CSNK1G2: variants seen among roughly 807,000 people sequenced by gnomAD.
CSNK1G2 encodes the protein casein kinase 1 gamma 2.
In CSNK1G2, 11 loss-of-function variants were observed where a neutral mutation model predicts 48.0. The ratio of observed to expected loss-of-function variants is 0.23; its 90% CI spans 0.14 to 0.38. The LOEUF is 0.38. Ranked by LOEUF, CSNK1G2 falls within the 10% of genes least tolerant of loss-of-function variation. CSNK1G2 has a pLI of 1.00. For missense variants in CSNK1G2, 446 were observed against 595.5 expected, an observed-to-expected ratio of 0.75 and a Z score of 2.61; for synonymous variants, 337 against 254.1, an observed-to-expected ratio of 1.33 and a Z score of -3.10.
intron 1 of CSNK1G2, among the ~76,000 whole-genome samples, chr19:1,946,180 G>A (rs907903340): frequency 4.6e-5 from 7 of 152,234 alleles, no homozygotes; most frequent in Admixed American, 4.6e-4. Flanking sequence ...CCGCGCAGAG[G>A]AGGGGGCGCA....
At chr19:1,945,821 CAA>C (rs71174398) in intron 1 of CSNK1G2, among the ~76,000 whole-genome samples, 50,510 of 112,918 alleles carry the variant, frequency 0.45, 11,218 homozygotes, top group Non-Finnish European at 0.58. Flanking sequence ...GACTCCGTCT[CAA>C]AAAAAAAAAA....
intron 1 of CSNK1G2, among the ~76,000 whole-genome samples, chr19:1,963,642 G>C (rs2015273192): frequency 6.6e-6 from 1 of 151,654 alleles, no homozygotes; most frequent in Non-Finnish European, 1.5e-5. Flanking sequence ...CGAGTAGCTG[G>C]AGTTACAGGT....
At chr19:1,958,452 C>G (rs117314833) in intron 1 of CSNK1G2, among the ~76,000 whole-genome samples, 14,324 of 130,788 alleles carry the variant, frequency 0.11, 999 homozygotes, top group South Asian at 0.18. Flanking sequence ...CCCTGTCCCC[C>G]CATCTCCCCT....
rs56044871 is a variant in CSNK1G2, at chr19:1,964,666, C to T, written c.-265-4842C>T. On this transcript the variant is annotated intron_variant, in intron 1 of 11. Coordinates refer to ENST00000255641, the MANE Select transcript of CSNK1G2 (RefSeq NM_001319.7). ...GGGTGACAGCACATCTGTTTAACAC[C>T]TGGCTTATGGAATATTTGAAGCCCA... 3.2e-3 allele frequency among the ~76,000 whole-genome samples: 492 copies of T among 152,258 alleles called. 2 individuals carry two copies. Among genetic ancestry groups the T allele is most frequent in the African/African-American group, 0.011 (469 of 41,552 alleles).
chr19:1,960,161 G>T (rs1175282523), intron 1 of CSNK1G2, among the ~76,000 whole-genome samples: 1 of 152,228 alleles, frequency 6.6e-6, no homozygotes, highest in African/African-American at 2.4e-5. Context: ...CAGCACAGGG[G>T]CGTGTAGGAA....
At chr19:1,953,657 C>G (rs1599291676) in intron 1 of CSNK1G2, among the ~76,000 whole-genome samples, 1 of 152,132 alleles carries the variant, frequency 6.6e-6, no homozygotes, top group African/African-American at 2.4e-5. Context: ...CACCTGTGGT[C>G]TGTGCCATCA....
chr19:1,941,174 A>T lies in CSNK1G2; in HGVS notation c.-510A>T, dbSNP rs1477866153. ...TATGGCTGCCGCCCCCCGCTGGCAG[A>T]CGCTGGCGGCGTAAGGCGCGCGGGC... On this transcript the variant is annotated 5_prime_UTR_variant, in exon 1 of 12. Coordinates refer to ENST00000255641, the MANE Select transcript of CSNK1G2 (RefSeq NM_001319.7). 1.4e-5 allele frequency: 2 copies of T among 146,090 alleles called. No individual in the cohort carries two copies. Among genetic ancestry groups the T allele is most frequent in the African/African-American group, 4.9e-5 (2 of 40,606 alleles). 9.0% of individuals were successfully genotyped at this position (146,090 alleles called of 1,614,324 possible).
In CSNK1G2 at chr19:1,978,575, C is replaced by G; in HGVS notation, c.299-27C>G. On this transcript the variant is annotated intron_variant, in intron 4 of 11. Transcript: ENST00000255641. The surrounding 1 kb of genome is among the most constrained non-coding windows in gnomAD (Gnocchi z 7.3). The stretch of plus-strand genomic sequence containing the variant: ...GGGCAGGGAGGGGGCTGCCGCCGCA[C>G]GCCCGTGCGTCTGTCCTCCGCCGCA... 1 of 1,576,446 alleles carries G rather than the reference C, an allele frequency of 6.3e-7. No individual in the cohort carries two copies. Among genetic ancestry groups the G allele is most frequent in the Non-Finnish European group, 8.6e-7 (1 of 1,161,708 alleles).
intron 1 of CSNK1G2, among the ~76,000 whole-genome samples, chr19:1,955,089 A>G (rs905611464): frequency 2.0e-5 from 3 of 152,240 alleles, no homozygotes; most frequent in Admixed American, 2.0e-4. Flanking sequence ...AGAGCCCCAG[A>G]AGAGGCCGGG....
chr19:1,944,859 C>T (rs1325840309), intron 1 of CSNK1G2, among the ~76,000 whole-genome samples: 2 of 152,302 alleles, frequency 1.3e-5, no homozygotes, highest in African/African-American at 2.4e-5. Flanking sequence ...GTCTGGCGGG[C>T]GGGGCCCAGT....
chr19:1,945,308 C>T (rs959572550), intron 1 of CSNK1G2, among the ~76,000 whole-genome samples: 2 of 152,200 alleles, frequency 1.3e-5, no homozygotes, highest in African/African-American at 4.8e-5. Context: ...GGCCCTGGCC[C>T]CCGGTGCGGC....
chr19:1,972,926 CTTTGT>C (rs1456609037), intron 2 of CSNK1G2, among the ~76,000 whole-genome samples: 38 of 136,072 alleles, frequency 2.8e-4, no homozygotes, highest in African/African-American at 1.1e-3. Flanking sequence ...GCCTCGCCTG[CTTTGT>C]TTTTTTTTTT....
At position 1,979,528 on chromosome 19, in the gene CSNK1G2, G is replaced by A. The variant is rs779700928; in HGVS notation, c.887G>A (p.Arg296His). 2 of 1,607,548 alleles carry A rather than the reference G, an allele frequency of 1.2e-6. No homozygotes were observed. The highest frequency in any genetic ancestry group is 1.3e-5 in the African/African-American group (1 of 74,578). ...EMATYLRYVR[R>H]LDFFEKPDYD... ...GCCACGTACCTGCGCTATGTGCGGC[G>A]CCTGGACTTCTTCGAGAAGCCCGAC... The change falls in exon 9 of 12, where the codon CGC becomes CAC. Residue 296 changes from arginine (R) to histidine (H), a missense_variant. By Grantham distance (29) the Arg-to-His change is conservative. Coordinates refer to ENST00000255641, the MANE Select transcript of CSNK1G2 (RefSeq NM_001319.7).
At chr19:1,947,911 G>T (rs932534672) in intron 1 of CSNK1G2, among the ~76,000 whole-genome samples, 1 of 151,994 alleles carries the variant, frequency 6.6e-6, no homozygotes. Context: ...CCTCGCCCGC[G>T]GCCCTGGGCA....
intron 2 of CSNK1G2, among the ~76,000 whole-genome samples, chr19:1,972,398 G>A (rs1038213321): frequency 6.6e-6 from 1 of 151,150 alleles, no homozygotes; most frequent in African/African-American, 2.5e-5. Context: ...ATGTTGTTCC[G>A]TTGTCTAGAA....
At chr19:1,963,656 C>T (rs572011602) in intron 1 of CSNK1G2, among the ~76,000 whole-genome samples, 38 of 151,790 alleles carry the variant, frequency 2.5e-4, no homozygotes, top group South Asian at 1.7e-3. Flanking sequence ...TACAGGTGCA[C>T]GCCACCACAC....
intron 1 of CSNK1G2, among the ~76,000 whole-genome samples, chr19:1,945,560 A>G (rs1354711436): frequency 2.6e-5 from 4 of 152,106 alleles, no homozygotes; most frequent in Non-Finnish European, 5.9e-5. Flanking sequence ...GGGGGCTCCC[A>G]CCTGTCATCC....
intron 2 of CSNK1G2, among the ~76,000 whole-genome samples, chr19:1,976,741 C>CTT (rs34862138): frequency 2.1e-5 from 3 of 144,220 alleles, no homozygotes; most frequent in African/African-American, 7.7e-5. Flanking sequence ...TTCTTGCTTT[C>CTT]TTTTTTTTTT....
intron 1 of CSNK1G2, among the ~76,000 whole-genome samples, chr19:1,945,477 C>T (rs2014521640): frequency 6.6e-6 from 1 of 152,222 alleles, no homozygotes; most frequent in Admixed American, 6.5e-5. Context: ...GGCCCAGCGG[C>T]CTCCCTGCAC....
Sources: gnomAD v4.1 joint callset for allele counts (sites outside exome capture counted in the v4.1 genomes callset) on GRCh38, gnomAD v4.1.1 for gene constraint, Gnocchi (gnomAD v3.1) non-coding constraint, MANE v1.5 for transcripts, NCBI Gene and HGNC (gene_info 2026-07-23, HGNC 2026-07-21) for gene names.